Variants in RTN4 observed in about 807,000 individuals in gnomAD.
RTN4 encodes reticulon 4, also known as reticulon-4.
RTN4 carries 32 observed loss-of-function variants against 90.4 expected under a neutral mutation model. That is an observed-to-expected ratio of 0.35 (90% CI 0.27 to 0.48). The LOEUF is 0.48. Ranked by LOEUF, RTN4 falls within the 20% of genes least tolerant of loss-of-function variation. RTN4 has a pLI of 0.99. For synonymous variants in RTN4, 629 were observed against 552.5 expected (o/e 1.14, Z -1.94); for missense variants, 1,706 against 1,430.2 (o/e 1.19, Z -3.11).
At chr2:55,013,175 A>G (rs995207570) in intron 3 of RTN4, among the ~76,000 whole-genome samples, 1 of 152,096 alleles carries the variant, frequency 6.6e-6, no homozygotes, top group Non-Finnish European at 1.5e-5. Context: ...TCTAAGCCCT[A>G]TTTCATATTG....
chr2:55,133,480 A>G, the RTN4 span, among the ~76,000 whole-genome samples: 1 of 152,162 alleles, frequency 6.6e-6, no homozygotes. Flanking sequence ...GGACTGTGTC[A>G]TGTGTATTTC....
intron 1 of RTN4, among the ~76,000 whole-genome samples, chr2:55,107,934 G>A (rs1488345048): frequency 6.6e-6 from 1 of 151,800 alleles, no homozygotes; most frequent in Non-Finnish European, 1.5e-5. Context: ...TAAAACACAC[G>A]TTTCCCATCC....
At chr2:55,034,507 G>A (rs184101930) in intron 1 of RTN4, among the ~76,000 whole-genome samples, 5 of 152,018 alleles carry the variant, frequency 3.3e-5, no homozygotes, top group South Asian at 4.2e-4. Context: ...ATCTCTAAAC[G>A]AACAAACAAA....
intron 1 of RTN4, among the ~76,000 whole-genome samples, chr2:55,097,731 G>A (rs1200809207): frequency 2.6e-5 from 4 of 152,094 alleles, no homozygotes; most frequent in Non-Finnish European, 4.4e-5. Flanking sequence ...CTCAGTTTTG[G>A]AACATGTTGA....
chr2:55,064,746 T>C (rs1442425289), intron 2 of RTN4, among the ~76,000 whole-genome samples: 2 of 152,224 alleles, frequency 1.3e-5, no homozygotes, highest in Non-Finnish European at 2.9e-5. Context: ...AAAATGTTCA[T>C]GAGTGAGAAA....
rs769448091 is a variant in RTN4, at chr2:54,973,609, G to GATCT, written c.3486_3489dup (p.His1164ArgfsTer9). 3 of 1,609,798 alleles carry GATCT rather than the reference G, an allele frequency of 1.9e-6. No homozygotes were observed. Among genetic ancestry groups the GATCT allele is most frequent in the Admixed American group, 1.7e-5 (1 of 60,010 alleles). ...TTCTTATTTGCAAGTCCTAGATAAT[G>GATCT]ATCTATCTGTGCCTGAAAGAGAGGT... On this transcript the variant is annotated frameshift_variant, in exon 8 of 9. Transcript: ENST00000337526. LOFTEE classifies it high-confidence loss of function.
chr2:55,101,123 T>C lies in RTN4; in HGVS notation c.-214+11397A>G, dbSNP rs184255893. 2.0e-5 allele frequency among the ~76,000 whole-genome samples: 3 copies of C among 152,148 alleles called. No homozygotes were observed. In the East Asian group the frequency reaches 5.8e-4, roughly 29 times the overall value. ...CTCCAAACAGTTTGTATAGTAGGAT[T>C]ATATTTTAGTAAAATAATAATTATT... On this transcript the variant is annotated intron_variant, in intron 1 of 3. Transcript: ENST00000427710.
At chr2:55,045,413 A>G (rs1263317902) in intron 1 of RTN4, among the ~76,000 whole-genome samples, 1 of 152,164 alleles carries the variant, frequency 6.6e-6, no homozygotes, top group African/African-American at 2.4e-5. Context: ...TTCCATTTTC[A>G]CTGAATGAAC....
In RTN4 at chr2:54,973,665, C is replaced by G. The variant is rs372802828; in HGVS notation, c.3478-44G>C. ...GGAATTATTACCGTTGCTAAAGAATCTTATTAACCACTACTATGTGTCAAG... is the reference window on the plus strand; with the variant it reads ...GGAATTATTACCGTTGCTAAAGAATGTTATTAACCACTACTATGTGTCAAG... On this transcript the variant is annotated intron_variant, in intron 7 of 8. Coordinates refer to ENST00000337526, the MANE Select transcript of RTN4 (RefSeq NM_020532.5). 12 of 1,530,042 alleles carry G rather than the reference C, an allele frequency of 7.8e-6. No individual in the cohort carries two copies. The African/African-American group carries it at 1.5e-4, about 19-fold the overall frequency. 94.8% of individuals were successfully genotyped at this position (1,530,042 alleles called of 1,614,324 possible). A position where few individuals can be genotyped will look rare whatever the true frequency, so the allele number is the denominator to read the frequency against.
At chr2:55,093,947 GA>G (rs1286650448) in intron 1 of RTN4, among the ~76,000 whole-genome samples, 2 of 152,120 alleles carry the variant, frequency 1.3e-5, no homozygotes, top group African/African-American at 4.8e-5. Flanking sequence ...ATATGAGAGG[GA>G]CATGGAAATA....
chr2:55,109,830 G>A (rs1668004998), intron 1 of RTN4, among the ~76,000 whole-genome samples: 1 of 152,198 alleles, frequency 6.6e-6, no homozygotes, highest in Non-Finnish European at 1.5e-5. Flanking sequence ...GAATCACTCA[G>A]CCAAGAAAAG....
At chr2:54,979,030 A>G (rs1361506442) in intron 5 of RTN4, among the ~76,000 whole-genome samples, 1 of 152,014 alleles carries the variant, frequency 6.6e-6, no homozygotes, top group Non-Finnish European at 1.5e-5. Context: ...CTATTAAGGA[A>G]CTTAAGATTA....
the RTN4 span, among the ~76,000 whole-genome samples, chr2:55,120,336 A>G: frequency 0.29 from 43,672 of 152,036 alleles, 7,164 homozygotes; most frequent in East Asian, 0.57. Context: ...CAGGGTGGGC[A>G]CAGACAGAAG....
chr2:54,999,683 T>C (rs1380719684), intron 3 of RTN4, among the ~76,000 whole-genome samples: 1 of 152,156 alleles, frequency 6.6e-6, no homozygotes, highest in Non-Finnish European at 1.5e-5. Flanking sequence ...CACAACCATG[T>C]TTATAATAAT....
chr2:55,071,075 CT>C (rs1484657789), intron 2 of RTN4, among the ~76,000 whole-genome samples: 2 of 150,194 alleles, frequency 1.3e-5, no homozygotes, highest in African/African-American at 4.9e-5. Flanking sequence ...CTCGCCCTGC[CT>C]TTTTTTTCTT....
intron 2 of RTN4, among the ~76,000 whole-genome samples, chr2:55,059,311 T>G (rs35391579): frequency 0.18 from 771 of 4,300 alleles, 5 homozygotes; most frequent in African/African-American, 0.25. Flanking sequence ...GACTTAATTG[T>G]TTTTTTTTTT....
rs750533154 is a variant in RTN4 at position 55,025,668 on chromosome 2, T to C, written c.2431A>G (p.Lys811Glu). The change falls in exon 3 of 9, where the codon AAA becomes GAA. Residue 811 changes from lysine to glutamate, a missense_variant. Physicochemically the swap from Lys to Glu is moderately conservative, Grantham distance 56. Coordinates refer to ENST00000337526, the MANE Select transcript of RTN4 (RefSeq NM_020532.5). ...ACTTCATCAGGTAACAGGGTATCTT[T>C]TGTGTTATCTAAACTGAGCTTAAAA... ...ESFKLSLDNT[K>E]DTLLPDEVST... The C allele has an allele frequency of 3.7e-6, 6 of 1,613,852 alleles. No individual in the cohort carries two copies. Among genetic ancestry groups the C allele is most frequent in the Middle Eastern group, 1.7e-4 (1 of 6,058 alleles).
intron 2 of RTN4, among the ~76,000 whole-genome samples, chr2:55,068,079 T>G (rs1000143583): frequency 8.5e-5 from 13 of 152,210 alleles, no homozygotes; most frequent in African/African-American, 3.1e-4. Flanking sequence ...TGAAGAAAAT[T>G]TGGCCTTAAG....
intron 1 of RTN4, among the ~76,000 whole-genome samples, chr2:55,106,208 A>T (rs1166968493): frequency 6.6e-6 from 1 of 152,030 alleles, no homozygotes; most frequent in Non-Finnish European, 1.5e-5. Context: ...CCTGTGTTCA[A>T]ATCCTTCCTC....
Sources: gnomAD v4.1 joint callset for allele counts (sites outside exome capture counted in the v4.1 genomes callset) on GRCh38, gnomAD v4.1.1 for gene constraint, MANE v1.5 for transcripts, NCBI Gene and HGNC (gene_info 2026-07-23, HGNC 2026-07-21) for gene names.